Variants in HYOU1 observed in about 807,000 individuals in gnomAD.
HYOU1 encodes hypoxia up-regulated 1, also known as hypoxia up-regulated protein 1.
HYOU1 carries 40 observed loss-of-function variants against 120.5 expected under a neutral mutation model. That is an observed-to-expected ratio of 0.33 (90% CI 0.26 to 0.43). HYOU1 has a LOEUF of 0.43. Ranked by LOEUF, HYOU1 falls within the 20% of genes least tolerant of loss-of-function variation. The pLI is 1.00. For missense variants in HYOU1, 1,085 were observed against 1,278.3 expected (o/e 0.85, Z 2.31); for synonymous variants, 501 against 479.4 (o/e 1.05, Z -0.59).
In HYOU1 at chr11:119,048,596, G is replaced by A; in HGVS notation, c.2166-33C>T. On this transcript the variant is annotated intron_variant, in intron 18 of 25. Transcript: ENST00000617285. This position sits in a 1 kb window ranked among gnomAD's most constrained non-coding sequence, Gnocchi z 4.7. ...ACAAAGGAGGGGTAGGGATGAGGGA[G>A]AGGGCAAGTGAGAACTTGAGACTCT... The A allele has an allele frequency of 1.9e-6, 3 of 1,611,318 alleles. No homozygotes were observed. The highest frequency in any genetic ancestry group is 2.5e-6 in the Non-Finnish European group (3 of 1,178,064).
intron 7 of HYOU1, 91 bp downstream of exon 7, chr11:119,054,403 A>G: frequency 7.2e-7 from 1 of 1,393,808 alleles, no homozygotes; most frequent in Non-Finnish European, 1.0e-6. Context: ...GGGTCAGCCC[A>G]GCCATGCAAA....
At position 119,048,961 on chromosome 11, in the gene HYOU1, A is replaced by G; in HGVS notation, c.1992+57T>C. 1 of 1,610,608 alleles carries G rather than the reference A, an allele frequency of 6.2e-7. No homozygotes were observed. Among genetic ancestry groups the G allele is most frequent in the South Asian group, 1.1e-5 (1 of 90,828 alleles). On this transcript the variant is annotated intron_variant, in intron 17 of 25. Coordinates refer to ENST00000617285, the MANE Select transcript of HYOU1 (RefSeq NM_006389.5). The surrounding 1 kb of genome is among the most constrained non-coding windows in gnomAD (Gnocchi z 4.7). ...TTCTCCACAAGGCCAGAAACAAGGCAGGCGCCTGCTCCCTTAGCCTCTGGA... is the reference window on the plus strand; with the variant it reads ...TTCTCCACAAGGCCAGAAACAAGGCGGGCGCCTGCTCCCTTAGCCTCTGGA...
chr11:119,049,805 G>A lies in HYOU1; in HGVS notation c.1698C>T (p.Asp566=). The A allele has an allele frequency of 6.2e-7, 1 of 1,614,054 alleles. No individual in the cohort carries two copies. ...TGAGAGTAGATTCCTCTTCTGCGCT[G>A]TCCTCTACCAGTGTCTCAAATACAG... ...VESVFETLVE[D]SAEEESTLTK... The change falls in exon 15 of 26, where the codon GAC becomes GAT. Residue 566 remains aspartate, a synonymous_variant. Transcript: ENST00000617285.
At chr11:119,053,730 A>G (rs1432074293) in intron 8 of HYOU1, 1 of 159,964 alleles carries the variant, frequency 6.3e-6, no homozygotes, top group South Asian at 1.8e-4. Flanking sequence ...AACAGGGCAC[A>G]TGTTCTCAGG....
chr11:119,055,997 CCCCAAGCTCAATT>C lies in HYOU1; in HGVS notation c.91+60_91+72del. On this transcript the variant is annotated intron_variant, in intron 2 of 25. Coordinates refer to ENST00000617285, the MANE Select transcript of HYOU1 (RefSeq NM_006389.5). The surrounding 1 kb of genome is among the most constrained non-coding windows in gnomAD (Gnocchi z 4.0). Reference sequence around the variant, plus strand: ...AACTCAAGAGACTTCTGGCCAACAGCCCCAAGCTCAATTCCCATCATGCATCCTTCAGTCATCA... The same window carrying C: ...AACTCAAGAGACTTCTGGCCAACAGCCCCATCATGCATCCTTCAGTCATCA... 6.8e-7 allele frequency: 1 copy of C among 1,463,728 alleles called. No individual in the cohort carries two copies. Among genetic ancestry groups the C allele is most frequent in the East Asian group, 2.3e-5 (1 of 44,186 alleles). The allele number at this position is 1,463,728 out of a possible 1,614,324, so 90.7% of individuals were successfully genotyped here.
Position 119,052,316 on chromosome 11 carries a change from G to A in HYOU1, c.1101C>T (p.Leu367=), listed in dbSNP as rs2133591890. The A allele has an allele frequency of 1.9e-6, 3 of 1,614,162 alleles. No individual in the cohort carries two copies. Among genetic ancestry groups the A allele is most frequent in the Non-Finnish European group, 1.7e-6 (2 of 1,180,022 alleles). ...ERVPGPVQQA[L]QSAEMSLDEI... ...TCACCAGACTCATTTCGGCACTCTG[G>A]AGGGCCTGCTGTACAGGCCCAGGCA... Residue 367 remains leucine, a synonymous_variant, in exon 10 of 26, where the codon CTC becomes CTT. Transcript: ENST00000617285. The surrounding 1 kb of genome is among the most constrained non-coding windows in gnomAD (Gnocchi z 5.0).
intron 8 of HYOU1, chr11:119,053,789 G>GT (rs1944592981): frequency 4.8e-6 from 1 of 206,894 alleles, no homozygotes; most frequent in South Asian, 1.0e-4. Context: ...TTAAAAAGAG[G>GT]TAAGACAACA....
Position 119,055,859 on chromosome 11 carries a change from G to T in HYOU1, c.92-16C>A. 1 of 1,606,204 alleles carries T rather than the reference G, an allele frequency of 6.2e-7. No individual in the cohort carries two copies. The highest frequency in any genetic ancestry group is 8.5e-7 in the Non-Finnish European group (1 of 1,172,744). On this transcript the variant is annotated splice_polypyrimidine_tract_variant and intron_variant, in intron 2 of 25. Coordinates refer to ENST00000617285, the MANE Select transcript of HYOU1 (RefSeq NM_006389.5). This position sits in a 1 kb window ranked among gnomAD's most constrained non-coding sequence, Gnocchi z 4.0. ...GCCAGTGTATCTGAAGGGAAAAGAG[G>T]TTTGTCAGTTAGCTCTCCCTTCGCC...
chr11:119,052,145 C>G lies in HYOU1; in HGVS notation c.1150G>C (p.Gly384Arg). ...ACTCTGGGGACCCGAGTGGCCCCAC[C>G]CACCAGGATCACCTGCTCAATCTCA... is the stretch of plus-strand genomic sequence containing the variant. ...LDEIEQVILV[G>R]GATRVPRVQE... is the part of the protein sequence containing the mutation. Residue 384 changes from glycine to arginine, a missense_variant, in exon 11 of 26, where the codon GGT (glycine) becomes CGT (arginine). Coordinates refer to ENST00000617285, the MANE Select transcript of HYOU1 (RefSeq NM_006389.5). The surrounding 1 kb of genome is among the most constrained non-coding windows in gnomAD (Gnocchi z 5.0). The G allele has an allele frequency of 6.2e-7, 1 of 1,614,204 alleles. No homozygotes were observed. The highest frequency in any genetic ancestry group is 8.5e-7 in the Non-Finnish European group (1 of 1,180,030).
At chr11:119,056,628 G>C (rs1032084830) in intron 1 of HYOU1, among the ~76,000 whole-genome samples, 3 of 152,352 alleles carry the variant, frequency 2.0e-5, no homozygotes, top group Middle Eastern at 3.4e-3. Flanking sequence ...ATGACGTTGG[G>C]GGTAGCTAGG....
At chr11:119,049,980 G>A (rs2133576934) in intron 14 of HYOU1, 143 bp from the exon 15 acceptor site, 7 of 754,748 alleles carry the variant, frequency 9.3e-6, no homozygotes, top group East Asian at 7.5e-5. Flanking sequence ...GGACTTGGAG[G>A]TGGCTGCCCA....
In HYOU1 at chr11:119,055,362, A is replaced by G. The variant is rs2133612905; in HGVS notation, c.265-23T>C. 1 of 1,611,316 alleles carries G rather than the reference A, an allele frequency of 6.2e-7. No individual in the cohort carries two copies. ...CGCCTGAGGGGTGAAGAAGGAGCAG[A>G]CTAGTATTAGGCTCCCAAGTCCACC... On this transcript the variant is annotated intron_variant, in intron 4 of 25. Transcript: ENST00000617285. The surrounding 1 kb of genome is among the most constrained non-coding windows in gnomAD (Gnocchi z 4.0).
Position 119,044,736 on chromosome 11 carries a change from AGAG to A in HYOU1, c.*854_*856del, listed in dbSNP as rs2134670252. The A allele has an allele frequency of 5.1e-6, 1 of 197,338 alleles. No individual in the cohort carries two copies. The highest frequency in any genetic ancestry group is 2.3e-5 in the African/African-American group (1 of 43,800). 12.2% of individuals were successfully genotyped at this position (197,338 alleles called of 1,614,324 possible). On this transcript the variant is annotated 3_prime_UTR_variant, in exon 26 of 26. Transcript: ENST00000617285. ...TCTGGGAGGAGCAGAACAGCAGAAGAGAGGAGGAGGCAGGGAGTTACAGGAACC... is the reference window on the plus strand; with the variant it reads ...TCTGGGAGGAGCAGAACAGCAGAAGAGAGGAGGCAGGGAGTTACAGGAACC...
chr11:119,048,610 A>T lies in HYOU1; in HGVS notation c.2166-47T>A. 6.2e-7 allele frequency: 1 copy of T among 1,610,534 alleles called. No homozygotes were observed. Among genetic ancestry groups the T allele is most frequent in the Non-Finnish European group, 8.5e-7 (1 of 1,177,690 alleles). Reference sequence around the variant, plus strand: ...GGGATGAGGGAGAGGGCAAGTGAGAACTTGAGACTCTGGGTCCGACAGCCC... The same window carrying T: ...GGGATGAGGGAGAGGGCAAGTGAGATCTTGAGACTCTGGGTCCGACAGCCC... On this transcript the variant is annotated intron_variant, in intron 18 of 25. Transcript: ENST00000617285. This position sits in a 1 kb window ranked among gnomAD's most constrained non-coding sequence, Gnocchi z 4.7.
chr11:119,056,471 T>C, intron 1 of HYOU1: 1 of 476,052 alleles, frequency 2.1e-6, no homozygotes, highest in South Asian at 1.6e-5. Context: ...ACACAGGCAG[T>C]GAGTGGCGCA....
chr11:119,054,765 A>G lies in HYOU1; in HGVS notation c.497-90T>C, dbSNP rs1944653516. 3 of 1,372,922 alleles carry G rather than the reference A, an allele frequency of 2.2e-6. No individual in the cohort carries two copies. In the South Asian group the frequency reaches 3.9e-5, roughly 18 times the overall value. The allele number at this position is 1,372,922 out of a possible 1,614,324, so 85.0% of individuals were successfully genotyped here. Reference sequence around the variant, plus strand: ...TCACTAATGACATTTTGGACTAGGTAATTCTGTGTTGTGGGGCTGTCCTGT... The same window carrying G: ...TCACTAATGACATTTTGGACTAGGTGATTCTGTGTTGTGGGGCTGTCCTGT... On this transcript the variant is annotated intron_variant, in intron 6 of 25. Transcript: ENST00000617285.
Position 119,049,146 on chromosome 11 carries a change from G to C in HYOU1, c.1864C>G (p.Leu622Val), listed in dbSNP as rs2133570017. 6.2e-7 allele frequency: 1 copy of C among 1,613,088 alleles called. No individual in the cohort carries two copies. Among genetic ancestry groups the C allele is most frequent in the Admixed American group, 1.7e-5 (1 of 59,882 alleles). Reference protein sequence around the residue: ...SKDEPGEQVELKEEAEAPVED... With the variant: ...SKDEPGEQVEVKEEAEAPVED... ...ACTGGGGCCTCAGCTTCCTCCTTGAGCTCCACCTGCTCCCCAGGCTCGTCC... is the reference window on the plus strand; with the variant it reads ...ACTGGGGCCTCAGCTTCCTCCTTGACCTCCACCTGCTCCCCAGGCTCGTCC... The change falls in exon 17 of 26, where the codon CTC (leucine) becomes GTC (valine). Residue 622 changes from leucine (L) to valine (V), a missense_variant. By Grantham distance (32) the Leu-to-Val change is conservative. Around this residue, in one of 4 missense-constraint regions of HYOU1, gnomAD observed 516 missense variants for 517.1 expected, o/e 1.00. Transcript: ENST00000617285.
At position 119,055,674 on chromosome 11, in the gene HYOU1, G is replaced by C; in HGVS notation, c.185+76C>G. 2 of 1,487,702 alleles carry C rather than the reference G, an allele frequency of 1.3e-6. No individual in the cohort carries two copies. The highest frequency in any genetic ancestry group is 1.9e-6 in the Non-Finnish European group (2 of 1,064,778). 92.2% of individuals were successfully genotyped at this position (1,487,702 alleles called of 1,614,324 possible). A position where few individuals can be genotyped will look rare whatever the true frequency, so the allele number is the denominator to read the frequency against. The stretch of plus-strand genomic sequence containing the variant: ...ACTCAGATGCCGAAGTCTGCTGTGG[G>C]CACTATGACTAACACATTCACACTT... On this transcript the variant is annotated intron_variant, in intron 3 of 25. Coordinates refer to ENST00000617285, the MANE Select transcript of HYOU1 (RefSeq NM_006389.5). This position sits in a 1 kb window ranked among gnomAD's most constrained non-coding sequence, Gnocchi z 4.0.
chr11:119,048,382 G>A lies in HYOU1; in HGVS notation c.2254-12C>T, dbSNP rs2133563468. The A allele has an allele frequency of 4.3e-6, 7 of 1,609,640 alleles. No individual in the cohort carries two copies. In the Admixed American group the frequency reaches 5.0e-5, roughly 12 times the overall value. On this transcript the variant is annotated splice_polypyrimidine_tract_variant and intron_variant, in intron 19 of 25. Transcript: ENST00000617285. This position sits in a 1 kb window ranked among gnomAD's most constrained non-coding sequence, Gnocchi z 4.7. The stretch of plus-strand genomic sequence containing the variant: ...TGGTACAGCTTGTCCTGGGGAGGGG[G>A]ACATGTAAACACATGCACCCACAAG...
Sources: gnomAD v4.1 joint callset for allele counts (sites outside exome capture counted in the v4.1 genomes callset) on GRCh38, gnomAD v4.1.1 for gene constraint, gnomAD v4.1.1 regional missense constraint, Gnocchi (gnomAD v3.1) non-coding constraint, MANE v1.5 for transcripts, NCBI Gene and HGNC (gene_info 2026-07-23, HGNC 2026-07-21) for gene names.